Variants in BRD2 observed in about 807,000 individuals in gnomAD.
BRD2 encodes bromodomain containing 2, also known as bromodomain-containing protein 2.
In BRD2, 15 loss-of-function variants were observed where a neutral mutation model predicts 79.1. The ratio of observed to expected loss-of-function variants is 0.19; its 90% CI spans 0.13 to 0.29. The LOEUF is 0.29. Ranked by LOEUF, BRD2 falls within the 10% of genes least tolerant of loss-of-function variation. BRD2 has a pLI of 1.00. For synonymous variants in BRD2, 488 were observed against 358.6 expected (o/e 1.36, Z -4.08); for missense variants, 1,053 against 991.3 (o/e 1.06, Z -0.84).
chr6:32,976,132 C>G lies in BRD2; in HGVS notation c.573C>G (p.Ile191Met). ...PQEEQELVVT[I>M]PKNSHKKGAK... ...AAGAACAAGAGCTGGTAGTGACCATCCCTAAGAACAGCCACAAGAAGGGGG... is the reference window on the plus strand; with the variant it reads ...AAGAACAAGAGCTGGTAGTGACCATGCCTAAGAACAGCCACAAGAAGGGGG... Residue 191 changes from isoleucine (I) to methionine (M), a missense_variant, in exon 5 of 13, where the codon ATC becomes ATG. This residue lies in a region of BRD2 where 413 missense variants were observed against 335.1 expected (regional missense o/e 1.23). Coordinates refer to ENST00000374825, the MANE Select transcript of BRD2 (RefSeq NM_005104.4). The G allele has an allele frequency of 5.6e-6, 9 of 1,612,800 alleles. No individual in the cohort carries two copies. Among genetic ancestry groups the G allele is most frequent in the Non-Finnish European group, 7.6e-6 (9 of 1,179,962 alleles).
chr6:32,975,739 T>G (rs1425460137), intron 4 of BRD2, among the ~76,000 whole-genome samples: 1 of 152,232 alleles, frequency 6.6e-6, no homozygotes, highest in African/African-American at 2.4e-5. Flanking sequence ...CACTTCATAC[T>G]TGGGGGTGGT....
chr6:32,970,029 G>A (rs1371617591), intron 1 of BRD2, among the ~76,000 whole-genome samples: 6 of 152,214 alleles, frequency 3.9e-5, no homozygotes, highest in Non-Finnish European at 8.8e-5. Flanking sequence ...AGGATCGGGA[G>A]GCAGTGATTT....
At chr6:32,977,386 C>T in intron 7 of BRD2, 56 bp from the exon 8 acceptor site, 1 of 1,612,266 alleles carries the variant, frequency 6.2e-7, no homozygotes. Flanking sequence ...CTGGGGTTGG[C>T]AGGGAAAGGT....
At chr6:32,980,207 G>A (rs1219463437) in intron 11 of BRD2, 75 bp downstream of exon 11, 1 of 1,574,154 alleles carries the variant, frequency 6.4e-7, no homozygotes, top group Non-Finnish European at 8.6e-7. Context: ...TTTGCATTCA[G>A]GATTGTCAGC....
At position 32,979,810 on chromosome 6, in the gene BRD2, A is replaced by G; in HGVS notation, c.1842-18A>G. The G allele has an allele frequency of 6.2e-7, 1 of 1,602,618 alleles. No individual in the cohort carries two copies. The highest frequency in any genetic ancestry group is 8.5e-7 in the Non-Finnish European group (1 of 1,174,776). On this transcript the variant is annotated intron_variant, in intron 10 of 12. Coordinates refer to ENST00000374825, the MANE Select transcript of BRD2 (RefSeq NM_005104.4). ...GGTTAATGAAGCTTCTTTTGCTGACAACTCTTTTTGCCCTTAGGCTCCCCA... is the reference window on the plus strand; with the variant it reads ...GGTTAATGAAGCTTCTTTTGCTGACGACTCTTTTTGCCCTTAGGCTCCCCA...
chr6:32,969,142 A>G (rs552403768), intron 1 of BRD2, 86 bp downstream of exon 1: 3 of 538,134 alleles, frequency 5.6e-6, no homozygotes, highest in African/African-American at 1.9e-5. Flanking sequence ...CTTGGGGTTC[A>G]GGAAAGAATC....
chr6:32,977,328 T>G, intron 7 of BRD2, 114 bp from the exon 8 acceptor site: 1 of 1,605,814 alleles, frequency 6.2e-7, no homozygotes, highest in Non-Finnish European at 8.5e-7. Context: ...CACAGATCCT[T>G]AAGGTCATCC....
chr6:32,977,582 G>A lies in BRD2; in HGVS notation c.1329+12G>A. ...CACGAAAGCTACAGGTGAGTGGAAA[G>A]GTTGGAGTTTGAAAAATAAATGGTA... On this transcript the variant is annotated intron_variant, in intron 8 of 12. Coordinates refer to ENST00000374825, the MANE Select transcript of BRD2 (RefSeq NM_005104.4). 10 of 1,613,594 alleles carry A rather than the reference G, an allele frequency of 6.2e-6. No individual in the cohort carries two copies. The highest frequency in any genetic ancestry group is 8.5e-6 in the Non-Finnish European group (10 of 1,179,820).
In BRD2 at chr6:32,973,103, G is replaced by A. The variant is rs750869793; in HGVS notation, c.29+176G>A. ...GGTTTTGGAACGGTGGTGGCGGCTC[G>A]GCTACTGCTCGTGGAGGGGAATACA... On this transcript the variant is annotated intron_variant, in intron 2 of 12. Coordinates refer to ENST00000374825, the MANE Select transcript of BRD2 (RefSeq NM_005104.4). The A allele has an allele frequency of 3.2e-6, 5 of 1,561,524 alleles. No individual in the cohort carries two copies. The African/African-American group carries it at 5.5e-5, about 17-fold the overall frequency.
chr6:32,979,987 T>C lies in BRD2; in HGVS notation c.2001T>C (p.His667=). 6.2e-7 allele frequency: 1 copy of C among 1,613,140 alleles called. No individual in the cohort carries two copies. ...LPGEKLGRVV[H]IIQAREPSLR... Reference sequence around the variant, plus strand: ...GGGAGAAGCTGGGCCGAGTTGTGCATATAATCCAAGCCAGGGAGCCCTCTT... The same window carrying C: ...GGGAGAAGCTGGGCCGAGTTGTGCACATAATCCAAGCCAGGGAGCCCTCTT... Residue 667 remains histidine (H), a synonymous_variant, in exon 11 of 13, where the codon CAT becomes CAC. Coordinates refer to ENST00000374825, the MANE Select transcript of BRD2 (RefSeq NM_005104.4).
At chr6:32,974,425 G>A in intron 2 of BRD2, 37 bp from the exon 3 acceptor site, 1 of 1,575,052 alleles carries the variant, frequency 6.3e-7, no homozygotes, top group Non-Finnish European at 8.6e-7. Flanking sequence ...TTCCTCATTT[G>A]GACGATATTG....
intron 1 of BRD2, chr6:32,969,279 G>T: frequency 1.4e-6 from 1 of 707,202 alleles, no homozygotes; most frequent in African/African-American, 1.7e-5. Flanking sequence ...CCCATTGGAG[G>T]GCAAAGGGGT....
At chr6:32,975,921 G>GT (rs1308507832) in intron 4 of BRD2, 110 bp from the exon 5 acceptor site, 2 of 1,232,940 alleles carry the variant, frequency 1.6e-6, no homozygotes, top group East Asian at 2.4e-5. Context: ...AAGATGACTG[G>GT]TGGGGGTATG....
In BRD2 at chr6:32,975,428, T is replaced by G; in HGVS notation, c.378T>G (p.Ile126Met). 6.2e-7 allele frequency: 1 copy of G among 1,611,256 alleles called. No homozygotes were observed. The highest frequency in any genetic ancestry group is 8.5e-7 in the Non-Finnish European group (1 of 1,178,462). The change falls in exon 4 of 13, where the codon ATT (isoleucine) becomes ATG (methionine). Residue 126 changes from isoleucine (I) to methionine (M), a missense_variant. Ile to Met is a conservative substitution (Grantham distance 10, BLOSUM62 1). Transcript: ENST00000374825. ...AACAGCCTATGGACATGGGTACTAT[T>G]AAGAGGAGACTTGAAAACAATTATT... is the stretch of plus-strand genomic sequence containing the variant. ...IIKQPMDMGT[I>M]KRRLENNYYW... is the part of the protein sequence containing the mutation.
intron 2 of BRD2, among the ~76,000 whole-genome samples, chr6:32,973,331 C>A (rs1778288585): frequency 6.6e-6 from 1 of 151,966 alleles, no homozygotes; most frequent in South Asian, 2.1e-4. Context: ...GGTGACGGAG[C>A]GCTTAAGGGA....
At chr6:32,969,136 G>A in intron 1 of BRD2, 80 bp downstream of exon 1, 1 of 539,522 alleles carries the variant, frequency 1.9e-6, no homozygotes, top group Non-Finnish European at 3.4e-6. Context: ...GGGATTCTTG[G>A]GGTTCAGGAA....
At chr6:32,977,270 T>G (rs1189281484) in intron 7 of BRD2, 172 bp from the exon 8 acceptor site, 1 of 1,560,170 alleles carries the variant, frequency 6.4e-7, no homozygotes, top group Non-Finnish European at 8.6e-7. Flanking sequence ...ACATAAATAT[T>G]TCTTCAACCC....
Position 32,972,232 on chromosome 6 carries a change from C to G in BRD2, c.-667C>G, listed in dbSNP as rs776261408. 55 of 493,254 alleles carry G rather than the reference C, an allele frequency of 1.1e-4. No individual in the cohort carries two copies. The highest frequency in any genetic ancestry group is 1.8e-4 in the Non-Finnish European group (49 of 268,032). The allele number at this position is 493,254 out of a possible 1,614,324, so 30.6% of individuals were successfully genotyped here. A position where few individuals can be genotyped will look rare whatever the true frequency, so the allele number is the denominator to read the frequency against. Reference sequence around the variant, plus strand: ...TGCTGGAGTGGAGCAGCCTCTAGAACGAGCTGGAGGATTCTGCCTACCGAT... The same window carrying G: ...TGCTGGAGTGGAGCAGCCTCTAGAAGGAGCTGGAGGATTCTGCCTACCGAT... On this transcript the variant is annotated 5_prime_UTR_variant, in exon 2 of 13. Transcript: ENST00000374825.
In BRD2 at chr6:32,976,305, A is replaced by G. The variant is rs1426241231; in HGVS notation, c.666A>G (p.Ser222=). 6.2e-7 allele frequency: 1 copy of G among 1,612,788 alleles called. No individual in the cohort carries two copies. Among genetic ancestry groups the G allele is most frequent in the Non-Finnish European group, 8.5e-7 (1 of 1,180,006 alleles). Residue 222 remains serine, a synonymous_variant, in exon 6 of 13, where the codon TCA becomes TCG. Coordinates refer to ENST00000374825, the MANE Select transcript of BRD2 (RefSeq NM_005104.4). ...AHQVPAVSSV[S]HTALYTPPPE... ...AGGTGCCTGCCGTCTCTTCTGTGTCACACACAGCCCTGTATACTCCTCCAC... is the reference window on the plus strand; with the variant it reads ...AGGTGCCTGCCGTCTCTTCTGTGTCGCACACAGCCCTGTATACTCCTCCAC...
Sources: allele counts gnomAD v4.1 joint callset (sites outside exome capture counted in the v4.1 genomes callset), GRCh38; gene constraint gnomAD v4.1.1; regional missense constraint gnomAD v4.1.1; transcripts MANE v1.5; gene names NCBI Gene and HGNC (gene_info 2026-07-23, HGNC 2026-07-21).